PRKN: variants seen among roughly 807,000 people sequenced by gnomAD.
PRKN encodes E3 ubiquitin-protein ligase parkin.
In PRKN, 56 loss-of-function variants were observed where a neutral mutation model predicts 59.5. That is an observed-to-expected ratio of 0.94 (90% confidence interval 0.76 to 1.18). PRKN has a LOEUF of 1.18. PRKN is among the 50% of genes most tolerant of loss of function. PRKN has a pLI of 0.00. For synonymous variants in PRKN, 250 were observed against 222.1 expected (o/e 1.13, Z -1.12); for missense variants, 657 against 596.4 (o/e 1.10, Z -1.06).
intron 7 of PRKN, among the ~76,000 whole-genome samples, chr6:161,612,235 C>T (rs1258598457): frequency 6.6e-6 from 1 of 152,180 alleles, no homozygotes. Flanking sequence ...ATGAAGGTGG[C>T]TACACTAAAC....
chr6:161,504,304 G>A (rs1044623208), intron 9 of PRKN, among the ~76,000 whole-genome samples: 45 of 152,214 alleles, frequency 3.0e-4, no homozygotes, highest in African/African-American at 1.1e-3. Context: ...AGGAAGAGCC[G>A]GCAGGGATTG....
intron 1 of PRKN, among the ~76,000 whole-genome samples, chr6:162,481,450 A>G (rs1162990607): frequency 6.6e-6 from 1 of 152,102 alleles, no homozygotes; most frequent in Non-Finnish European, 1.5e-5. Context: ...TGGTGGGGGA[A>G]AAAAAAGCAG....
chr6:161,946,410 ACACACTCTCTCTCT>A (rs1158497255), intron 6 of PRKN, among the ~76,000 whole-genome samples: 4 of 95,202 alleles, frequency 4.2e-5, no homozygotes, highest in Admixed American at 2.4e-4. Flanking sequence ...ACACACACAC[ACACACTCTCTCTCT>A]CTCTCTCTCT....
At chr6:162,481,567 T>C (rs941177923) in intron 1 of PRKN, among the ~76,000 whole-genome samples, 3 of 152,198 alleles carry the variant, frequency 2.0e-5, no homozygotes, top group Non-Finnish European at 4.4e-5. Context: ...AGCATGATAT[T>C]TGGCATCTCA....
rs564577400 is a variant in PRKN, at chr6:161,454,152, C to T, written c.1084-67275G>A. On this transcript the variant is annotated intron_variant, in intron 9 of 11. Coordinates refer to ENST00000366898, the MANE Select transcript of PRKN (RefSeq NM_004562.3). This position sits in a 1 kb window ranked among gnomAD's most constrained non-coding sequence, Gnocchi z 4.6. ...CCTAAAAGTAACAATGTACACAACT[C>T]GCTAGGGTTGCCAGCAGCATTTTGG... 2.4e-4 allele frequency among the ~76,000 whole-genome samples: 36 copies of T among 152,108 alleles called. No homozygotes were observed. The highest frequency in any genetic ancestry group is 4.6e-4 in the Non-Finnish European group (31 of 68,036).
chr6:161,569,060 C>T (rs1371985514), intron 8 of PRKN, among the ~76,000 whole-genome samples: 1 of 152,172 alleles, frequency 6.6e-6, no homozygotes, highest in East Asian at 1.9e-4. Context: ...CATAATTCAT[C>T]TCTGCATTTA....
chr6:162,635,911 G>A (rs889584785), intron 1 of PRKN, among the ~76,000 whole-genome samples: 4 of 151,966 alleles, frequency 2.6e-5, no homozygotes, highest in African/African-American at 9.7e-5. Context: ...AGGCATGTTT[G>A]GAGAAAAAGC....
chr6:162,559,859 C>T (rs748841299), intron 1 of PRKN, among the ~76,000 whole-genome samples: 2 of 152,164 alleles, frequency 1.3e-5, no homozygotes, highest in South Asian at 4.1e-4. Context: ...TCTTCACATA[C>T]GAGAAAGGAA....
intron 9 of PRKN, among the ~76,000 whole-genome samples, chr6:161,450,777 G>A (rs959788641): frequency 1.1e-4 from 17 of 152,150 alleles, no homozygotes; most frequent in South Asian, 4.2e-4. Context: ...GGATGGTCTC[G>A]ACCTCCTGAC....
chr6:161,596,089 A>G (rs1336227382), intron 7 of PRKN, among the ~76,000 whole-genome samples: 1 of 152,206 alleles, frequency 6.6e-6, no homozygotes, highest in African/African-American at 2.4e-5. Flanking sequence ...GGAGACTGAC[A>G]GCGTGGAGCT....
chr6:161,682,996 G>C (rs770190718), intron 7 of PRKN, among the ~76,000 whole-genome samples: 2 of 152,202 alleles, frequency 1.3e-5, no homozygotes, highest in Non-Finnish European at 2.9e-5. Flanking sequence ...GCCTGGCGGT[G>C]GTGAGGGCTC....
In PRKN at chr6:162,404,673, C is replaced by T. The variant is rs540586651; in HGVS notation, c.171+38637G>A. Among the ~76,000 whole-genome samples, 3 of 152,222 alleles carry T rather than the reference C, an allele frequency of 2.0e-5. No homozygotes were observed. In the South Asian group the frequency reaches 6.2e-4, roughly 32 times the overall value. On this transcript the variant is annotated intron_variant, in intron 2 of 11. Transcript: ENST00000366898. ...GTTCAAGCGATTCTCCTACCTCAGCCTCCCGAGTAGCTCGGACTACAGGCG... is the reference window on the plus strand; with the variant it reads ...GTTCAAGCGATTCTCCTACCTCAGCTTCCCGAGTAGCTCGGACTACAGGCG...
Position 161,440,492 on chromosome 6 carries a change from G to C in PRKN, c.1084-53615C>G, listed in dbSNP as rs1305975341. On this transcript the variant is annotated intron_variant, in intron 9 of 11. Coordinates refer to ENST00000366898, the MANE Select transcript of PRKN (RefSeq NM_004562.3). This position sits in a 1 kb window ranked among gnomAD's most constrained non-coding sequence, Gnocchi z 4.1. ...CTGGCATTTCCCCATTGCTGCCTCT[G>C]GGAGGCTGCCTCTCGGGATAGATTG... Among the ~76,000 whole-genome samples the C allele has an allele frequency of 6.6e-6, 1 of 152,154 alleles. No individual in the cohort carries two copies. Among genetic ancestry groups the C allele is most frequent in the African/African-American group, 2.4e-5 (1 of 41,434 alleles).
At chr6:162,368,655 TG>T (rs1785583581) in intron 2 of PRKN, among the ~76,000 whole-genome samples, 2 of 152,242 alleles carry the variant, frequency 1.3e-5, no homozygotes, top group Non-Finnish European at 2.9e-5. Flanking sequence ...TCTCACTGAA[TG>T]TATAGAACAT....
At chr6:162,325,717 T>C (rs1783237455) in intron 2 of PRKN, among the ~76,000 whole-genome samples, 2 of 152,336 alleles carry the variant, frequency 1.3e-5, no homozygotes, top group African/African-American at 4.8e-5. Flanking sequence ...ATATGTCTAT[T>C]TAGGGGAAAT....
chr6:162,186,343 G>T (rs1452831890), intron 4 of PRKN, among the ~76,000 whole-genome samples: 1 of 150,666 alleles, frequency 6.6e-6, no homozygotes, highest in Non-Finnish European at 1.5e-5. Flanking sequence ...TAGGCTCAAA[G>T]CCAAATCAAG....
intron 1 of PRKN, among the ~76,000 whole-genome samples, chr6:162,670,057 G>A (rs1048758028): frequency 2.6e-5 from 4 of 152,172 alleles, no homozygotes; most frequent in Non-Finnish European, 5.9e-5. Context: ...AAACCTAAAA[G>A]TATCCTTGGT....
chr6:161,379,305 G>T lies in PRKN; in HGVS notation c.1167+7489C>A, dbSNP rs1019892292. 1.3e-5 allele frequency among the ~76,000 whole-genome samples: 2 copies of T among 152,184 alleles called. No homozygotes were observed. Among genetic ancestry groups the T allele is most frequent in the South Asian group, 4.1e-4 (2 of 4,834 alleles). ...CCACCTAGAGGTCTTCTCTAAGGGC[G>T]AGGGGAATCTAGAATGAGTAGGAGA... On this transcript the variant is annotated intron_variant, in intron 10 of 11. Transcript: ENST00000366898. This position sits in a 1 kb window ranked among gnomAD's most constrained non-coding sequence, Gnocchi z 4.9.
At chr6:162,213,133 A>G (rs1000178919) in intron 3 of PRKN, among the ~76,000 whole-genome samples, 2 of 152,164 alleles carry the variant, frequency 1.3e-5, no homozygotes, top group African/African-American at 4.8e-5. Flanking sequence ...GTCTGCAAAA[A>G]GGATTGGGTT....
Sources: gnomAD v4.1 joint callset for allele counts (sites outside exome capture counted in the v4.1 genomes callset) on GRCh38, gnomAD v4.1.1 for gene constraint, Gnocchi (gnomAD v3.1) non-coding constraint, MANE v1.5 for transcripts, NCBI Gene and HGNC (gene_info 2026-07-23, HGNC 2026-07-21) for gene names.